The following RANBP2 variants were observed in gnomAD, a reference collection of about 807,000 sequenced individuals.
RANBP2 encodes the protein E3 SUMO-protein ligase RanBP2.
RANBP2 carries 57 observed loss-of-function variants against 303.6 expected under a neutral mutation model. The ratio of observed to expected loss-of-function variants is 0.19; its 90% CI spans 0.15 to 0.23. The LOEUF (loss-of-function observed/expected upper bound fraction) is 0.23, where lower values mean the gene tolerates loss of function less well. RANBP2 is among the 10% of genes least tolerant of loss of function. The pLI is 1.00. For synonymous variants in RANBP2, 1,167 were observed against 1,301.5 expected (o/e 0.90, Z 2.23); for missense variants, 3,138 against 3,780.8 (o/e 0.83, Z 4.46).
At chr2:109,260,969 T>C in the RANBP2 span, among the ~76,000 whole-genome samples, 5,067 of 152,176 alleles carry the variant, frequency 0.033, 232 homozygotes, top group African/African-American at 0.11. Flanking sequence ...TGAGGTGTTC[T>C]CAGCCCCATG....
chr2:109,615,980 CA>C, the RANBP2 span: 3 of 1,563,398 alleles, frequency 1.9e-6, no homozygotes, highest in Non-Finnish European at 2.6e-6. Context: ...CGCTGGAGGG[CA>C]GGGGGGAGGA....
chr2:109,182,733 G>C, the RANBP2 span, among the ~76,000 whole-genome samples: 5 of 152,182 alleles, frequency 3.3e-5, no homozygotes, highest in South Asian at 1.0e-3. Context: ...TACATATAAA[G>C]TAATTCTCAA....
the RANBP2 span, among the ~76,000 whole-genome samples, chr2:109,441,940 CAAAAATATCTTTCA>C: frequency 7.6e-6 from 1 of 131,114 alleles, no homozygotes; most frequent in South Asian, 2.5e-4. Flanking sequence ...CTACTCCCAG[CAAAAATATCTTTCA>C]AAAAAAAAGC....
chr2:108,854,399 T>C, the RANBP2 span, among the ~76,000 whole-genome samples: 1 of 152,014 alleles, frequency 6.6e-6, no homozygotes, highest in Non-Finnish European at 1.5e-5. Flanking sequence ...CTTTTTTGTT[T>C]GTTTGTTTTA....
the RANBP2 span, among the ~76,000 whole-genome samples, chr2:109,268,856 A>G: frequency 1.3e-5 from 2 of 152,154 alleles, no homozygotes; most frequent in African/African-American, 4.8e-5. Flanking sequence ...GGTTGGGTGT[A>G]TTCAATGAAT....
the RANBP2 span, among the ~76,000 whole-genome samples, chr2:109,390,240 A>G: frequency 6.6e-6 from 1 of 152,168 alleles, no homozygotes; most frequent in Non-Finnish European, 1.5e-5. Flanking sequence ...TTCTTTGCCC[A>G]TAAACTACCA....
chr2:108,993,113 G>A, the RANBP2 span, among the ~76,000 whole-genome samples: 1 of 152,198 alleles, frequency 6.6e-6, no homozygotes, highest in African/African-American at 2.4e-5. Context: ...GTGATACGGC[G>A]GACACCAGCA....
chr2:109,354,967 A>G, the RANBP2 span, among the ~76,000 whole-genome samples: 3 of 152,154 alleles, frequency 2.0e-5, no homozygotes. Context: ...CTTTATGTTC[A>G]TAGCTCAGGC....
At chr2:109,394,137 T>C in the RANBP2 span, among the ~76,000 whole-genome samples, 1 of 152,234 alleles carries the variant, frequency 6.6e-6, no homozygotes, top group Non-Finnish European at 1.5e-5. Flanking sequence ...AAAGGATGGA[T>C]GGAAGAAACT....
the RANBP2 span, among the ~76,000 whole-genome samples, chr2:109,348,622 T>A: frequency 6.6e-6 from 1 of 152,166 alleles, no homozygotes. Context: ...TCACACTTGG[T>A]CTTTACAGCT....
At chr2:109,228,772 G>A in the RANBP2 span, among the ~76,000 whole-genome samples, 15 of 152,162 alleles carry the variant, frequency 9.9e-5, no homozygotes, top group African/African-American at 3.6e-4. Context: ...CGTCTCTGTG[G>A]AGTTAGATGT....
At chr2:109,502,044 G>A in the RANBP2 span, 2 of 209,558 alleles carry the variant, frequency 9.5e-6, no homozygotes, top group Admixed American at 5.1e-5. Context: ...GTCTGCAGGC[G>A]AGGTGGGTGG....
chr2:109,273,095 A>G, the RANBP2 span, among the ~76,000 whole-genome samples: 1 of 152,260 alleles, frequency 6.6e-6, no homozygotes, highest in Non-Finnish European at 1.5e-5. Flanking sequence ...TTCGGGTTGA[A>G]GAGATACTGG....
At chr2:108,873,427 A>G in the RANBP2 span, 1 of 1,555,824 alleles carries the variant, frequency 6.4e-7, no homozygotes, top group South Asian at 1.3e-5. Flanking sequence ...CCTAATAGTA[A>G]AGCACTGTTG....
At chr2:109,203,665 C>T in the RANBP2 span, among the ~76,000 whole-genome samples, 3 of 152,064 alleles carry the variant, frequency 2.0e-5, no homozygotes, top group Non-Finnish European at 4.4e-5. Context: ...GTGTCCTGGC[C>T]CTGTGTCTCT....
the RANBP2 span, among the ~76,000 whole-genome samples, chr2:108,977,780 C>T: frequency 1.2e-4 from 19 of 152,318 alleles, no homozygotes; most frequent in South Asian, 3.5e-3. Context: ...CTGAAGGACC[C>T]ACAGCCACCT....
At chr2:109,686,660 G>A in the RANBP2 span, among the ~76,000 whole-genome samples, 2 of 151,886 alleles carry the variant, frequency 1.3e-5, no homozygotes, top group Non-Finnish European at 2.9e-5. Flanking sequence ...TATCCAGGTC[G>A]GACTGCAGTG....
chr2:109,417,155 G>C, the RANBP2 span, among the ~76,000 whole-genome samples: 7 of 152,208 alleles, frequency 4.6e-5, no homozygotes, highest in African/African-American at 1.7e-4. Flanking sequence ...GAGACCTGTG[G>C]ACAGTGGAGA....
chr2:109,589,887 G>A, the RANBP2 span, among the ~76,000 whole-genome samples: 2 of 152,010 alleles, frequency 1.3e-5, no homozygotes, highest in African/African-American at 4.8e-5. Context: ...TAAACAAACT[G>A]TAGTATACTA....
Sources: allele counts gnomAD v4.1 joint callset (sites outside exome capture counted in the v4.1 genomes callset), GRCh38; gene constraint gnomAD v4.1.1; transcripts MANE v1.5; gene names NCBI Gene and HGNC (gene_info 2026-07-23, HGNC 2026-07-21).